The following DPP10 variants were observed in gnomAD, a reference collection of about 807,000 sequenced individuals.
DPP10 encodes the protein dipeptidyl peptidase like 10.
In DPP10, 33 loss-of-function variants were observed where a neutral mutation model predicts 120.9. That is an observed-to-expected ratio of 0.27 (90% CI 0.21 to 0.37). DPP10 has a LOEUF of 0.37. Among genes scored for constraint, DPP10 ranks in the 10% least tolerant of loss-of-function variants. The pLI is 1.00. For synonymous variants in DPP10, 337 were observed against 326.1 expected, an observed-to-expected ratio of 1.03 and a Z score of -0.36; for missense variants, 816 against 942.8, an observed-to-expected ratio of 0.87 and a Z score of 1.76.
chr2:114,517,930 G>A (rs1684735634), intron 1 of DPP10, among the ~76,000 whole-genome samples: 1 of 152,128 alleles, frequency 6.6e-6, no homozygotes, highest in African/African-American at 2.4e-5. Context: ...GCAGTCATTG[G>A]CCTTTCGTCT....
At chr2:115,032,780 G>A (rs1703930009) in intron 1 of DPP10, among the ~76,000 whole-genome samples, 1 of 151,672 alleles carries the variant, frequency 6.6e-6, no homozygotes, top group Admixed American at 6.6e-5. Context: ...AGCTACTCGG[G>A]AGGCTGAGGC....
intron 1 of DPP10, among the ~76,000 whole-genome samples, chr2:115,266,843 C>T (rs938952021): frequency 6.6e-6 from 1 of 152,082 alleles, no homozygotes; most frequent in Non-Finnish European, 1.5e-5. Context: ...ATTTTCCTAT[C>T]CTTATACGGT....
chr2:114,934,713 G>A (rs971714862), intron 1 of DPP10, among the ~76,000 whole-genome samples: 4 of 152,048 alleles, frequency 2.6e-5, no homozygotes, highest in African/African-American at 9.7e-5. Context: ...GCTGGATGAT[G>A]CCATATATAC....
At chr2:115,132,217 G>A (rs1055484462) in intron 1 of DPP10, among the ~76,000 whole-genome samples, 1 of 152,158 alleles carries the variant, frequency 6.6e-6, no homozygotes, top group Non-Finnish European at 1.5e-5. Flanking sequence ...AAGATTGGGG[G>A]TGTTGTGATG....
intron 1 of DPP10, among the ~76,000 whole-genome samples, chr2:114,677,263 G>A (rs1406266228): frequency 3.9e-5 from 6 of 152,122 alleles, no homozygotes; most frequent in East Asian, 3.9e-4. Context: ...TGTGGAATAC[G>A]CACACAAGAA....
intron 1 of DPP10, among the ~76,000 whole-genome samples, chr2:114,449,526 C>T (rs190566556): frequency 6.6e-6 from 1 of 151,572 alleles, no homozygotes; most frequent in East Asian, 1.9e-4. Flanking sequence ...ATACAGCCTG[C>T]CCTACTACCT....
rs201479506 is a variant in DPP10 at position 114,987,402 on chromosome 2, A to G, written c.61-321837A>G. On this transcript the variant is annotated intron_variant, in intron 1 of 25. Transcript: ENST00000410059. Reference sequence around the variant, plus strand: ...ACCTTAGGCTTGAGATAAATTTTCCACTTTTGAGGGATTTTTTTCTAAACT... The same window carrying G: ...ACCTTAGGCTTGAGATAAATTTTCCGCTTTTGAGGGATTTTTTTCTAAACT... Among the ~76,000 whole-genome samples the G allele has an allele frequency of 2.6e-5, 4 of 152,170 alleles. No homozygotes were observed. In the East Asian group the frequency reaches 7.7e-4, roughly 29 times the overall value.
At chr2:115,059,352 C>CTTTT (rs70941024) in intron 1 of DPP10, among the ~76,000 whole-genome samples, 3 of 135,770 alleles carry the variant, frequency 2.2e-5, no homozygotes, top group South Asian at 4.7e-4. Context: ...GTAGGTATTT[C>CTTTT]TTTTTTTTTT....
intron 3 of DPP10, among the ~76,000 whole-genome samples, chr2:115,445,287 G>T (rs72842203): frequency 6.6e-6 from 1 of 152,162 alleles, no homozygotes; most frequent in African/African-American, 2.4e-5. Context: ...CAGAAGTGGG[G>T]TACTGCTATA....
intron 5 of DPP10, among the ~76,000 whole-genome samples, chr2:115,615,522 G>A (rs957541620): frequency 2.6e-5 from 4 of 152,034 alleles, no homozygotes; most frequent in African/African-American, 9.7e-5. Flanking sequence ...TTCTCAAGTA[G>A]CTGCAGTATT....
intron 1 of DPP10, among the ~76,000 whole-genome samples, chr2:114,697,585 C>T (rs535755502): frequency 3.3e-4 from 50 of 151,726 alleles, no homozygotes; most frequent in African/African-American, 1.1e-3. Context: ...CCCGTCTCTA[C>T]CAAAAATATA....
intron 5 of DPP10, among the ~76,000 whole-genome samples, chr2:115,604,079 GTTTTTTTTT>G (rs201075278): frequency 1.1e-4 from 17 of 148,416 alleles, no homozygotes; most frequent in South Asian, 4.3e-4. Flanking sequence ...CCTTCTAGCT[GTTTTTTTTT>G]TTTTTTTTTT....
intron 1 of DPP10, among the ~76,000 whole-genome samples, chr2:114,737,670 C>T (rs1348557876): frequency 6.6e-6 from 1 of 152,086 alleles, no homozygotes; most frequent in East Asian, 1.9e-4. Context: ...TCACCAAAGC[C>T]CCAGAGGATG....
At chr2:114,570,860 A>AG (rs1689587812) in intron 1 of DPP10, among the ~76,000 whole-genome samples, 1 of 148,092 alleles carries the variant, frequency 6.8e-6, no homozygotes, top group Non-Finnish European at 1.5e-5. Context: ...AAAAAAAAAA[A>AG]GAAAAGTAGA....
intron 3 of DPP10, among the ~76,000 whole-genome samples, chr2:115,392,175 G>C (rs77759120): frequency 0.011 from 1,570 of 148,268 alleles, 25 homozygotes; most frequent in African/African-American, 0.038. Context: ...TCAAAGTCTC[G>C]TATTTTTATG....
intron 3 of DPP10, among the ~76,000 whole-genome samples, chr2:115,345,160 A>T (rs1422432478): frequency 6.6e-6 from 1 of 152,222 alleles, no homozygotes. Flanking sequence ...TTAAATTTTA[A>T]TTGAAATCAA....
At chr2:114,512,610 C>T (rs1684238655) in intron 1 of DPP10, among the ~76,000 whole-genome samples, 1 of 152,186 alleles carries the variant, frequency 6.6e-6, no homozygotes, top group Non-Finnish European at 1.5e-5. Context: ...GAAATCTTTC[C>T]CTCTCCTGGC....
intron 1 of DPP10, among the ~76,000 whole-genome samples, chr2:114,498,844 T>G (rs1299285434): frequency 6.6e-6 from 1 of 152,224 alleles, no homozygotes; most frequent in Non-Finnish European, 1.5e-5. Flanking sequence ...ACACAGCATC[T>G]GCATTCCCAT....
chr2:115,359,071 C>A (rs1275100206), intron 3 of DPP10, among the ~76,000 whole-genome samples: 1 of 152,152 alleles, frequency 6.6e-6, no homozygotes, highest in African/African-American at 2.4e-5. Flanking sequence ...ATGGTTGGGT[C>A]TAGCATTTCA....
Sources: allele counts gnomAD v4.1 joint callset (sites outside exome capture counted in the v4.1 genomes callset), GRCh38; gene constraint gnomAD v4.1.1; transcripts MANE v1.5; gene names NCBI Gene and HGNC (gene_info 2026-07-23, HGNC 2026-07-21).